Variants in PHF14 observed in about 807,000 individuals in gnomAD.
PHF14 encodes the protein PHD finger protein 14.
A neutral mutation model predicts 117.9 loss-of-function variants in PHF14; 55 were observed. The ratio of observed to expected loss-of-function variants is 0.47; its 90% CI spans 0.38 to 0.58. The LOEUF is 0.58. PHF14 is among the 20% of genes least tolerant of loss of function. The probability of loss-of-function intolerance (pLI) is 0.00; values close to 1 mark genes in which losing one functional copy is unlikely to be tolerated. For synonymous variants in PHF14, 409 were observed against 368.6 expected (o/e 1.11, Z -1.26); for missense variants, 978 against 1,122.2 (o/e 0.87, Z 1.84).
intron 6 of PHF14, among the ~76,000 whole-genome samples, chr7:11,024,617 CT>C (rs1783849101): frequency 1.3e-5 from 2 of 152,204 alleles, no homozygotes; most frequent in African/African-American, 4.8e-5. Context: ...TAAATCTACT[CT>C]GCCTGTGCTC....
intron 17 of PHF14, among the ~76,000 whole-genome samples, chr7:11,122,350 TATACACACACAC>T (rs1438274272): frequency 0.013 from 791 of 63,100 alleles, 38 homozygotes; most frequent in African/African-American, 0.062. Context: ...TATATATATA[TATACACACACAC>T]ACACACACAC....
chr7:11,093,616 CTCT>C (rs2128339414), intron 16 of PHF14, among the ~76,000 whole-genome samples: 1 of 152,286 alleles, frequency 6.6e-6, no homozygotes, highest in Non-Finnish European at 1.5e-5. Context: ...ACTGTCTTTC[CTCT>C]TACTTAGCAG....
At chr7:11,054,455 A>T (rs916375469) in intron 14 of PHF14, among the ~76,000 whole-genome samples, 8 of 152,140 alleles carry the variant, frequency 5.3e-5, no homozygotes, top group African/African-American at 9.7e-5. Context: ...GTATCATACT[A>T]AACTGTTCAA....
chr7:11,167,187 C>T (rs1369505733), intron 17 of PHF14, among the ~76,000 whole-genome samples: 1 of 152,078 alleles, frequency 6.6e-6, no homozygotes, highest in African/African-American at 2.4e-5. Flanking sequence ...ACTAGATAGC[C>T]AAGCATGTTA....
At chr7:11,104,187 AATT>A in intron 16 of PHF14, 1 of 982,814 alleles carries the variant, frequency 1.0e-6, no homozygotes, top group Non-Finnish European at 1.2e-6. Context: ...CTTTGATTCC[AATT>A]ATAATACTAT....
chr7:10,975,868 C>T (rs1781845766), intron 2 of PHF14, among the ~76,000 whole-genome samples: 1 of 152,146 alleles, frequency 6.6e-6, no homozygotes, highest in Non-Finnish European at 1.5e-5. Context: ...TTCTGGTTTT[C>T]CCTTGTCTTT....
intron 16 of PHF14, among the ~76,000 whole-genome samples, chr7:11,085,119 A>G (rs1786337432): frequency 6.6e-6 from 1 of 152,184 alleles, no homozygotes; most frequent in South Asian, 2.1e-4. Flanking sequence ...GAAATAGACA[A>G]CAGATATATA....
intron 14 of PHF14, among the ~76,000 whole-genome samples, chr7:11,055,474 A>G (rs1210922182): frequency 6.6e-6 from 1 of 152,168 alleles, no homozygotes; most frequent in African/African-American, 2.4e-5. Flanking sequence ...TTCCTGACTT[A>G]CAAATTCTGG....
chr7:11,056,420 T>G (rs1785021470), intron 14 of PHF14, among the ~76,000 whole-genome samples: 2 of 152,124 alleles, frequency 1.3e-5, no homozygotes, highest in Non-Finnish European at 2.9e-5. Flanking sequence ...TTTATAGTAG[T>G]TAAGACAAAT....
intron 16 of PHF14, among the ~76,000 whole-genome samples, chr7:11,085,964 T>C (rs1408415739): frequency 2.6e-5 from 4 of 152,230 alleles, no homozygotes; most frequent in Non-Finnish European, 5.9e-5. Context: ...ACCCAGCATT[T>C]ATTAGTTGTA....
chr7:11,001,566 C>T (rs1002060687), intron 4 of PHF14, among the ~76,000 whole-genome samples: 1 of 150,410 alleles, frequency 6.6e-6, no homozygotes, highest in African/African-American at 2.5e-5. Flanking sequence ...TGATTTCTTT[C>T]ATCAGAGTTT....
At chr7:11,067,278 G>T (rs1365589192) in intron 16 of PHF14, among the ~76,000 whole-genome samples, 2 of 152,168 alleles carry the variant, frequency 1.3e-5, no homozygotes, top group Non-Finnish European at 2.9e-5. Flanking sequence ...CACCCATTGG[G>T]CTAGTTATCA....
intron 16 of PHF14, chr7:11,105,626 G>A: frequency 1.0e-6 from 1 of 984,690 alleles, no homozygotes; most frequent in Non-Finnish European, 1.2e-6. Context: ...CTACCTGTCT[G>A]AATCAGCACT....
intron 16 of PHF14, 105 bp downstream of exon 16, chr7:11,062,190 A>G (rs1351796720): frequency 7.6e-6 from 7 of 915,232 alleles, no homozygotes; most frequent in Non-Finnish European, 1.1e-5. Context: ...ACCTTTCTTA[A>G]AATATTATAT....
At chr7:11,152,585 C>T (rs1788731713) in intron 17 of PHF14, among the ~76,000 whole-genome samples, 1 of 152,010 alleles carries the variant, frequency 6.6e-6, no homozygotes, top group South Asian at 2.1e-4. Context: ...AATAACTATT[C>T]ATAAGAACTA....
At chr7:11,053,824 A>T (rs1784926384) in intron 14 of PHF14, among the ~76,000 whole-genome samples, 1 of 152,042 alleles carries the variant, frequency 6.6e-6, no homozygotes, top group Non-Finnish European at 1.5e-5. Context: ...TAGAATTATA[A>T]GGAAGCTTTA....
chr7:11,146,490 A>T (rs1164318740), intron 17 of PHF14, among the ~76,000 whole-genome samples: 1 of 152,138 alleles, frequency 6.6e-6, no homozygotes. Flanking sequence ...TTTTCACCAG[A>T]GTTGGAAATA....
intron 4 of PHF14, among the ~76,000 whole-genome samples, chr7:11,001,407 A>G (rs1482778630): frequency 6.6e-6 from 1 of 152,074 alleles, no homozygotes; most frequent in Non-Finnish European, 1.5e-5. Context: ...TAAACTTTAG[A>G]GTCAGTTTGC....
intron 17 of PHF14, among the ~76,000 whole-genome samples, chr7:11,118,982 A>G (rs967188489): frequency 6.6e-6 from 1 of 151,886 alleles, no homozygotes; most frequent in African/African-American, 2.4e-5. Flanking sequence ...ATCTTTCACT[A>G]TATTGATAAT....
Sources: allele counts gnomAD v4.1 joint callset (sites outside exome capture counted in the v4.1 genomes callset), GRCh38; gene constraint gnomAD v4.1.1; transcripts MANE v1.5; gene names NCBI Gene and HGNC (gene_info 2026-07-23, HGNC 2026-07-21).